IYD: variants seen among roughly 807,000 people sequenced by gnomAD.
IYD encodes the protein iodotyrosine deiodinase.
IYD carries 25 observed loss-of-function variants against 28.4 expected under a neutral mutation model. The observed-to-expected ratio is 0.88, with a 90% confidence interval of 0.64 to 1.23. IYD has a LOEUF of 1.23. IYD is among the 50% of genes most tolerant of loss of function. The pLI is 0.00. For missense variants in IYD, 352 were observed against 357.9 expected (o/e 0.98, Z 0.13); for synonymous variants, 140 against 130.8 (o/e 1.07, Z -0.48).
At chr6:150,377,631 G>A (rs1777498501) in intron 1 of IYD, among the ~76,000 whole-genome samples, 2 of 152,160 alleles carry the variant, frequency 1.3e-5, no homozygotes, top group East Asian at 1.9e-4. Context: ...AGTCTGCCTT[G>A]GACTCTAGAA....
At position 150,405,958 on chromosome 6, in the gene IYD, A is replaced by G. The variant is rs1469502632; in HGVS notation, c.*7721A>G. On this transcript the variant is annotated 3_prime_UTR_variant, in exon 5 of 5. Transcript: ENST00000344419. ...TGCCTGCTGCTGTGAATAATAACAT[A>G]TCTTGCTCTGACCCAGTAGTCTTGT... 1 of 152,176 alleles carries G rather than the reference A, an allele frequency of 6.6e-6. No homozygotes were observed. Among genetic ancestry groups the G allele is most frequent in the East Asian group, 1.9e-4 (1 of 5,196 alleles). 9.4% of individuals were successfully genotyped at this position (152,176 alleles called of 1,614,324 possible). A position where few individuals can be genotyped will look rare whatever the true frequency, so the allele number is the denominator to read the frequency against.
rs1778591321 is a variant in IYD, at chr6:150,404,337, AG to A, written c.*6101del. 1 of 152,214 alleles carries A rather than the reference AG, an allele frequency of 6.6e-6. No homozygotes were observed. The highest frequency in any genetic ancestry group is 2.1e-4 in the South Asian group (1 of 4,836). 9.4% of individuals were successfully genotyped at this position (152,214 alleles called of 1,614,324 possible). A position where few individuals can be genotyped will look rare whatever the true frequency, so the allele number is the denominator to read the frequency against. On this transcript the variant is annotated 3_prime_UTR_variant, in exon 5 of 5. Transcript: ENST00000344419. ...CCTTAAGTGATTTGAATCTTTAAAA[AG>A]CTTATGATTCCAATTTGAAATGTGA...
At chr6:150,375,223 G>A (rs915664512) in intron 1 of IYD, among the ~76,000 whole-genome samples, 1 of 152,162 alleles carries the variant, frequency 6.6e-6, no homozygotes, top group Non-Finnish European at 1.5e-5. Flanking sequence ...GGGACAGGAG[G>A]AAACCTTAAA....
chr6:150,389,574 T>C, intron 2 of IYD, 31 bp downstream of exon 2: 1 of 1,577,884 alleles, frequency 6.3e-7, no homozygotes, highest in South Asian at 1.1e-5. Flanking sequence ...TCTTTGGAAA[T>C]GTTAGTCACC....
chr6:150,372,738 C>T (rs1402908994), intron 1 of IYD, among the ~76,000 whole-genome samples: 1 of 59,006 alleles, frequency 1.7e-5, no homozygotes, highest in Non-Finnish European at 2.9e-5. Flanking sequence ...TGTGACCATG[C>T]TTGTTATACA....
intron 1 of IYD, among the ~76,000 whole-genome samples, chr6:150,383,556 T>C (rs1370358737): frequency 6.6e-6 from 1 of 152,106 alleles, no homozygotes; most frequent in Non-Finnish European, 1.5e-5. Flanking sequence ...CTTGCGGCGT[T>C]CATAAAAATT....
intron 1 of IYD, among the ~76,000 whole-genome samples, chr6:150,375,243 C>G (rs1337939895): frequency 6.6e-6 from 1 of 152,128 alleles, no homozygotes; most frequent in African/African-American, 2.4e-5. Flanking sequence ...ATCCATTTCC[C>G]TGAGGAGTTT....
In IYD at chr6:150,372,639, T is replaced by C. The variant is rs112917738; in HGVS notation, c.178+3430T>C. 3.1e-4 allele frequency among the ~76,000 whole-genome samples: 4 copies of C among 12,836 alleles called. 1 individual carries two copies. The highest frequency in any genetic ancestry group is 7.4e-4 in the Non-Finnish European group (4 of 5,422). The allele number at this position is 12,836 out of a possible 152,430, so 8.4% of individuals were successfully genotyped here. On this transcript the variant is annotated intron_variant, in intron 1 of 4. Transcript: ENST00000344419. ...CTTGTTAGACATGTGTGTGTATGGGTGGGGTGGGGGTGGTGAGGGAACATT... is the reference window on the plus strand; with the variant it reads ...CTTGTTAGACATGTGTGTGTATGGGCGGGGTGGGGGTGGTGAGGGAACATT...
intron 1 of IYD, among the ~76,000 whole-genome samples, chr6:150,379,249 A>T (rs1221221327): frequency 6.6e-6 from 1 of 151,756 alleles, no homozygotes; most frequent in Non-Finnish European, 1.5e-5. Context: ...CAGTCTTTCG[A>T]TTTCTATTTC....
chr6:150,370,675 T>A (rs1777207465), intron 1 of IYD: 1 of 985,256 alleles, frequency 1.0e-6, no homozygotes, highest in South Asian at 4.7e-5. Flanking sequence ...GGTAATGGTT[T>A]GTGCTGGTAA....
chr6:150,380,698 T>A (rs1777615953), intron 1 of IYD, among the ~76,000 whole-genome samples: 2 of 152,080 alleles, frequency 1.3e-5, no homozygotes, highest in African/African-American at 2.4e-5. Context: ...ATTTCCTCTA[T>A]GTGTTTTCTT....
At chr6:150,370,082 C>A in intron 1 of IYD, 2 of 701,008 alleles carry the variant, frequency 2.9e-6, no homozygotes, top group Non-Finnish European at 5.2e-6. Context: ...GGGATGGGTT[C>A]GATTTGGAAG....
chr6:150,393,751 G>A (rs1001131516), intron 3 of IYD, among the ~76,000 whole-genome samples: 4 of 152,228 alleles, frequency 2.6e-5, no homozygotes, highest in Admixed American at 6.5e-5. Context: ...TGGGTGAACA[G>A]CATTGCCATC....
chr6:150,398,520 C>CT lies in IYD; in HGVS notation c.*289dup. ...AGTTATTCTAGACAATCACTATTGG[C>CT]TTTTTTCTTTTATTTTTAAAAAACT... On this transcript the variant is annotated 3_prime_UTR_variant, in exon 5 of 5. Transcript: ENST00000344419. 1 of 347,954 alleles carries CT rather than the reference C, an allele frequency of 2.9e-6. No individual in the cohort carries two copies. The highest frequency in any genetic ancestry group is 5.2e-5 in the East Asian group (1 of 19,270). The allele number at this position is 347,954 out of a possible 1,614,324, so 21.6% of individuals were successfully genotyped here. A position where few individuals can be genotyped will look rare whatever the true frequency, so the allele number is the denominator to read the frequency against.
rs1167522837 is a variant in IYD, at chr6:150,402,918, A to G, written c.*4681A>G. On this transcript the variant is annotated 3_prime_UTR_variant, in exon 5 of 5. Transcript: ENST00000344419. ...TTTAAGCCAAATTTACAAACTTACA[A>G]AGATGATCCACCAATAGTTTTCTCT... The G allele has an allele frequency of 7.1e-5, 1 of 14,008 alleles. No homozygotes were observed. Among genetic ancestry groups the G allele is most frequent in the Admixed American group, 5.5e-4 (1 of 1,820 alleles). 0.9% of individuals were successfully genotyped at this position (14,008 alleles called of 1,614,324 possible).
intron 1 of IYD, among the ~76,000 whole-genome samples, chr6:150,369,546 A>G (rs1418740657): frequency 6.6e-6 from 1 of 152,222 alleles, no homozygotes; most frequent in Non-Finnish European, 1.5e-5. Flanking sequence ...CTAAGAGGCC[A>G]GGTTTTGATC....
chr6:150,396,113 T>A (rs1778304488), intron 4 of IYD: 1 of 229,256 alleles, frequency 4.4e-6, no homozygotes, highest in South Asian at 1.2e-4. Flanking sequence ...TTTTAAAATA[T>A]CTATAACAAC....
chr6:150,374,325 T>C (rs1358378202), intron 1 of IYD, among the ~76,000 whole-genome samples: 1 of 152,198 alleles, frequency 6.6e-6, no homozygotes, highest in Admixed American at 6.5e-5. Context: ...CGTGGAGACA[T>C]ACAAGAGGAC....
At chr6:150,397,672 T>C (rs1364837464) in intron 4 of IYD, among the ~76,000 whole-genome samples, 1 of 152,046 alleles carries the variant, frequency 6.6e-6, no homozygotes, top group Admixed American at 6.6e-5. Flanking sequence ...ATCATTTGGT[T>C]CTTGTACCAG....
Sources: allele counts gnomAD v4.1 joint callset (sites outside exome capture counted in the v4.1 genomes callset), GRCh38; gene constraint gnomAD v4.1.1; transcripts MANE v1.5; gene names NCBI Gene and HGNC (gene_info 2026-07-23, HGNC 2026-07-21).